The following DMD variants were observed in gnomAD, a reference collection of about 807,000 sequenced individuals.
DMD encodes the protein dystrophin, also known as mutant dystrophin.
In DMD, 63 loss-of-function variants were observed where a neutral mutation model predicts 330.1. The observed-to-expected ratio is 0.19, with a 90% CI of 0.16 to 0.24. The LOEUF (loss-of-function observed/expected upper bound fraction) is 0.24, where lower values mean the gene tolerates loss of function less well. Among genes scored for constraint, DMD ranks in the 10% least tolerant of loss-of-function variants. The probability of loss-of-function intolerance (pLI) is 1.00; values close to 1 mark genes in which losing one functional copy is unlikely to be tolerated. For missense variants in DMD, 3,344 were observed against 2,684.1 expected, an observed-to-expected ratio of 1.25 and a Z score of -5.43; for synonymous variants, 1,223 against 959.8, an observed-to-expected ratio of 1.27 and a Z score of -5.07.
At chrX:31,199,927 C>G (rs1242527257) in intron 67 of DMD, among the ~76,000 whole-genome samples, 1 of 111,952 alleles carries the variant, frequency 8.9e-6, no homozygotes, top group African/African-American at 3.3e-5. Flanking sequence ...TGTTATCTTT[C>G]CCTACAGCAA....
intron 76 of DMD, among the ~76,000 whole-genome samples, chrX:31,135,212 G>C (rs1321404891): frequency 8.9e-6 from 1 of 112,121 alleles, no homozygotes; most frequent in Non-Finnish European, 1.9e-5. Context: ...CAACACAAAA[G>C]AGTAAGAATT....
At chrX:32,606,805 C>G (rs868376065) in intron 12 of DMD, among the ~76,000 whole-genome samples, 2 of 106,086 alleles carry the variant, frequency 1.9e-5, no homozygotes, top group Non-Finnish European at 2.0e-5. Flanking sequence ...ACTACACAGC[C>G]TAAGAAAGTA....
intron 44 of DMD, among the ~76,000 whole-genome samples, chrX:32,018,260 T>C (rs2095781190): frequency 9.0e-6 from 1 of 111,548 alleles, no homozygotes; most frequent in African/African-American, 3.3e-5. Context: ...AATGACTCCT[T>C]TTTGCACAGA....
intron 44 of DMD, among the ~76,000 whole-genome samples, chrX:31,978,442 A>G (rs894495527): frequency 2.7e-5 from 3 of 111,100 alleles, no homozygotes; most frequent in Non-Finnish European, 3.8e-5. Flanking sequence ...TAACTGTTTC[A>G]TCTCAGACTC....
intron 67 of DMD, among the ~76,000 whole-genome samples, chrX:31,202,304 C>G (rs910633000): frequency 8.9e-6 from 1 of 112,030 alleles, no homozygotes; most frequent in Non-Finnish European, 1.9e-5. Flanking sequence ...TTGCCTGTGG[C>G]CATTAATATT....
intron 2 of DMD, among the ~76,000 whole-genome samples, chrX:32,888,953 A>T (rs1278714176): frequency 9.0e-6 from 1 of 110,591 alleles, no homozygotes; most frequent in Non-Finnish European, 1.9e-5. Context: ...TGAAATATAG[A>T]CACTATTTTC....
chrX:33,134,846 C>A (rs1301462100), intron 1 of DMD, among the ~76,000 whole-genome samples: 2 of 112,021 alleles, frequency 1.8e-5, no homozygotes, highest in Admixed American at 1.9e-4. Flanking sequence ...AGAACGAATT[C>A]TTCCACTTAA....
chrX:31,383,152 C>T (rs1324884491), intron 60 of DMD, among the ~76,000 whole-genome samples: 1 of 111,392 alleles, frequency 9.0e-6, no homozygotes, highest in African/African-American at 3.3e-5. Flanking sequence ...TCAAAAGCTC[C>T]CCCACTGAGC....
In DMD at chrX:31,551,175, T is replaced by G. The variant is rs777837117; in HGVS notation, c.8218-43722A>C. ...AGCCAGGGTGCAGAGTGAGACTCCA[T>G]CTCGGGAAAAAAAAAAAAAAAAGAG... On this transcript the variant is annotated intron_variant, in intron 55 of 78. Coordinates refer to ENST00000357033, the MANE Select transcript of DMD (RefSeq NM_004006.3). Among the ~76,000 whole-genome samples, 136 of 58,009 alleles carry G rather than the reference T, an allele frequency of 2.3e-3. 3 individuals are homozygous for G. The highest frequency in any genetic ancestry group is 0.013 in the African/African-American group (129 of 9,627). 50.4% of individuals were successfully genotyped at this position (58,009 alleles called of 115,157 possible). A position where few individuals can be genotyped will look rare whatever the true frequency, so the allele number is the denominator to read the frequency against.
rs190503878 is a variant in DMD, at chrX:31,818,781, G to A, written c.7309+1194C>T. ...CCATAATGCTTAAGTCTCCAAAGTCGTTAAATCTAACTCTGATGACTGCCG... is the reference window on the plus strand; with the variant it reads ...CCATAATGCTTAAGTCTCCAAAGTCATTAAATCTAACTCTGATGACTGCCG... On this transcript the variant is annotated intron_variant, in intron 50 of 78. Transcript: ENST00000357033. Among the ~76,000 whole-genome samples, 18 of 109,708 alleles carry A rather than the reference G, an allele frequency of 1.6e-4. No homozygotes were observed. In the East Asian group the frequency reaches 4.9e-3, roughly 30 times the overall value.
At chrX:32,378,875 G>A (rs1017885351) in intron 34 of DMD, among the ~76,000 whole-genome samples, 1 of 110,631 alleles carries the variant, frequency 9.0e-6, no homozygotes, top group Non-Finnish European at 1.9e-5. Flanking sequence ...CATGAGAAAT[G>A]AGAATGTACT....
Position 31,382,898 on chromosome X carries a change from T to C in DMD, c.9085-34264A>G, listed in dbSNP as rs751383138. The stretch of plus-strand genomic sequence containing the variant: ...ACACTATTTTGTTTTATTTTTCTTA[T>C]TAATATAAGAAGACAGGAATGTCAG... On this transcript the variant is annotated intron_variant, in intron 60 of 78. Transcript: ENST00000357033. 6.2e-3 allele frequency among the ~76,000 whole-genome samples: 696 copies of C among 111,643 alleles called. 6 individuals are homozygous for C. Among genetic ancestry groups the C allele is most frequent in the African/African-American group, 0.021 (659 of 30,708 alleles).
At chrX:31,968,011 T>C (rs747292148) in intron 45 of DMD, among the ~76,000 whole-genome samples, 2 of 111,553 alleles carry the variant, frequency 1.8e-5, no homozygotes, top group Non-Finnish European at 1.9e-5. Flanking sequence ...TATAATTGCT[T>C]TCTAAAATCT....
rs1047210058 is a variant in DMD, at chrX:31,951,706, C to A, written c.6614+16633G>T. 5.1e-4 allele frequency among the ~76,000 whole-genome samples: 56 copies of A among 110,819 alleles called. 1 individual carries two copies. Among genetic ancestry groups the A allele is most frequent in the Non-Finnish European group, 1.7e-4 (9 of 52,660 alleles). On this transcript the variant is annotated intron_variant, in intron 45 of 78. Transcript: ENST00000357033. ...ATAACACAATGTTATAATTTTTATG[C>A]AATCTTAGGTCTTTTAAAGAAGTTA...
intron 44 of DMD, among the ~76,000 whole-genome samples, chrX:32,065,273 C>T (rs1223887360): frequency 1.8e-5 from 2 of 111,275 alleles, no homozygotes; most frequent in Non-Finnish European, 3.8e-5. Flanking sequence ...TTTTGTTTCT[C>T]CTTGTCAGTG....
intron 44 of DMD, among the ~76,000 whole-genome samples, chrX:32,129,858 A>G (rs2146900441): frequency 9.0e-6 from 1 of 110,623 alleles, no homozygotes; most frequent in African/African-American, 3.3e-5. Context: ...AGACATCAGC[A>G]AGTGCCTGCA....
intron 1 of DMD, among the ~76,000 whole-genome samples, chrX:33,176,707 G>A (rs981223268): frequency 9.0e-6 from 1 of 110,908 alleles, no homozygotes; most frequent in Non-Finnish European, 1.9e-5. Context: ...AAGCCAAGGC[G>A]GGTGGATCAT....
intron 13 of DMD, among the ~76,000 whole-genome samples, chrX:32,574,178 TA>T (rs1479073811): frequency 2.7e-5 from 3 of 111,657 alleles, no homozygotes; most frequent in Non-Finnish European, 5.7e-5. Context: ...GTAAAAGGTG[TA>T]TTTTCCTTAG....
chrX:32,310,106 G>A lies in DMD; in HGVS notation c.6093C>T (p.Leu2031=), dbSNP rs745904383. 9.1e-6 allele frequency: 11 copies of A among 1,207,416 alleles called. No homozygotes were observed. The highest frequency in any genetic ancestry group is 1.2e-5 in the Non-Finnish European group (11 of 893,397). ...PDLCAKDFED[L]FKQEESLKNI... ...CCTTCAGAGACTCCTCTTGCTTAAA[G>A]AGATCTTCAAAGTCCTTAGCACAGA... Residue 2031 remains leucine (L), a synonymous_variant, in exon 42 of 79, where the codon CTC becomes CTT. Transcript: ENST00000357033.
Sources: gnomAD v4.1 joint callset for allele counts (sites outside exome capture counted in the v4.1 genomes callset) on GRCh38, gnomAD v4.1.1 for gene constraint, MANE v1.5 for transcripts, NCBI Gene and HGNC (gene_info 2026-07-23, HGNC 2026-07-21) for gene names.